CNTNAP2: variants seen among roughly 807,000 people sequenced by gnomAD.
CNTNAP2 encodes contactin-associated protein-like 2.
CNTNAP2 carries 98 observed loss-of-function variants against 155.2 expected under a neutral mutation model. The observed-to-expected ratio is 0.63, with a 90% CI of 0.54 to 0.75. The LOEUF (loss-of-function observed/expected upper bound fraction) is 0.75. CNTNAP2 is among the 30% of genes least tolerant of loss of function. The pLI is 0.00. For synonymous variants in CNTNAP2, 651 were observed against 631.2 expected (o/e 1.03, Z -0.47); for missense variants, 1,727 against 1,688.1 (o/e 1.02, Z -0.40).
At chr7:147,331,633 T>C (rs1285282720) in intron 9 of CNTNAP2, among the ~76,000 whole-genome samples, 1 of 151,692 alleles carries the variant, frequency 6.6e-6, no homozygotes, top group Non-Finnish European at 1.5e-5. Flanking sequence ...AAAAAGCAGG[T>C]AGAGGGATCG....
chr7:147,488,193 T>C (rs1798543304), intron 11 of CNTNAP2, among the ~76,000 whole-genome samples: 2 of 152,236 alleles, frequency 1.3e-5, no homozygotes, highest in African/African-American at 4.8e-5. Context: ...AGATACAATG[T>C]ATGCCATTCA....
At chr7:146,948,503 T>G (rs1797239046) in intron 3 of CNTNAP2, among the ~76,000 whole-genome samples, 1 of 152,250 alleles carries the variant, frequency 6.6e-6, no homozygotes, top group African/African-American at 2.4e-5. Flanking sequence ...AATGTTAGTC[T>G]GACAAAAAAA....
At chr7:147,489,739 C>G (rs769095434) in intron 11 of CNTNAP2, among the ~76,000 whole-genome samples, 11 of 152,124 alleles carry the variant, frequency 7.2e-5, no homozygotes, top group Admixed American at 2.6e-4. Flanking sequence ...CCTCAGCCTC[C>G]CAAGTAGCTG....
intron 18 of CNTNAP2, among the ~76,000 whole-genome samples, chr7:148,175,324 G>A (rs964439543): frequency 6.6e-6 from 1 of 152,014 alleles, no homozygotes; most frequent in African/African-American, 2.4e-5. Context: ...AAAAATAATA[G>A]TAGGAAGCCA....
intron 21 of CNTNAP2, among the ~76,000 whole-genome samples, chr7:148,276,391 G>A (rs972448915): frequency 7.2e-5 from 11 of 152,322 alleles, no homozygotes; most frequent in Admixed American, 6.5e-4. Context: ...AAGACAGTGC[G>A]AGACATGCCT....
chr7:146,669,606 A>G (rs1800261129), intron 1 of CNTNAP2, among the ~76,000 whole-genome samples: 1 of 152,062 alleles, frequency 6.6e-6, no homozygotes, highest in African/African-American at 2.4e-5. Flanking sequence ...CAACTTTGGT[A>G]ATTTTGGTTT....
intron 13 of CNTNAP2, among the ~76,000 whole-genome samples, chr7:147,727,278 C>T (rs943500730): frequency 1.3e-5 from 2 of 151,822 alleles, no homozygotes; most frequent in South Asian, 2.1e-4. Flanking sequence ...TGTTACTGGT[C>T]GGTTTAAATC....
chr7:146,355,979 A>T (rs1794991672), intron 1 of CNTNAP2, among the ~76,000 whole-genome samples: 1 of 152,058 alleles, frequency 6.6e-6, no homozygotes, highest in African/African-American at 2.4e-5. Context: ...AACCAAATAT[A>T]TCAAGCAAGA....
chr7:147,874,584 G>A (rs1465552595), intron 13 of CNTNAP2, among the ~76,000 whole-genome samples: 1 of 152,266 alleles, frequency 6.6e-6, no homozygotes, highest in Non-Finnish European at 1.5e-5. Flanking sequence ...TTCCCTCCTA[G>A]GCCTCTGGGC....
rs77325234 is a variant in CNTNAP2, at chr7:147,416,641, T to G, written c.1670+20861T>G. ...TTTATCTCCAGAATCTAGTAATATG[T>G]TGCTCATCAACATATGGTTCGGCTG... On this transcript the variant is annotated intron_variant, in intron 10 of 23. Coordinates refer to ENST00000361727, the MANE Select transcript of CNTNAP2 (RefSeq NM_014141.6). 1.9e-3 allele frequency among the ~76,000 whole-genome samples: 288 copies of G among 152,316 alleles called. 4 individuals carry two copies. The highest frequency in any genetic ancestry group is 6.7e-3 in the African/African-American group (277 of 41,578).
At chr7:146,232,642 C>T (rs532145267) in intron 1 of CNTNAP2, among the ~76,000 whole-genome samples, 1 of 152,252 alleles carries the variant, frequency 6.6e-6, no homozygotes, top group African/African-American at 2.4e-5. Context: ...TACATCAAAT[C>T]AAGGTATAGA....
intron 13 of CNTNAP2, among the ~76,000 whole-genome samples, chr7:147,826,664 A>G (rs961282901): frequency 6.6e-6 from 1 of 152,196 alleles, no homozygotes; most frequent in Admixed American, 6.5e-5. Context: ...TTCAAACTCA[A>G]TTCACTGACT....
intron 1 of CNTNAP2, among the ~76,000 whole-genome samples, chr7:146,315,831 C>G (rs1800896473): frequency 6.6e-6 from 1 of 152,082 alleles, no homozygotes; most frequent in African/African-American, 2.4e-5. Flanking sequence ...TGTAATAATT[C>G]TAGCAACAAA....
intron 1 of CNTNAP2, among the ~76,000 whole-genome samples, chr7:146,149,901 C>T (rs1007506575): frequency 7.3e-6 from 1 of 136,608 alleles, no homozygotes; most frequent in African/African-American, 2.7e-5. Flanking sequence ...AAAAAAAAGA[C>T]CAGTCAGGCT....
At chr7:147,687,299 G>T (rs1484874923) in intron 13 of CNTNAP2, among the ~76,000 whole-genome samples, 2 of 152,098 alleles carry the variant, frequency 1.3e-5, no homozygotes, top group Non-Finnish European at 2.9e-5. Flanking sequence ...TGGGTGCATT[G>T]CCTTGTATAC....
chr7:146,775,598 G>A lies in CNTNAP2; in HGVS notation c.208+1217G>A, dbSNP rs565619792. Among the ~76,000 whole-genome samples the A allele has an allele frequency of 1.1e-4, 17 of 149,716 alleles. No homozygotes were observed. In the East Asian group the frequency reaches 2.6e-3, roughly 23 times the overall value. On this transcript the variant is annotated intron_variant, in intron 2 of 23. Transcript: ENST00000361727. ...AGAAAGGGAGGGAGGGAGAGAGGAA[G>A]GAAGAAAGGAAGGAAGGAAGGAAGG...
chr7:146,774,557 G>C (rs1449208285), intron 2 of CNTNAP2, among the ~76,000 whole-genome samples, 176 bp downstream of exon 2: 1 of 152,006 alleles, frequency 6.6e-6, no homozygotes, highest in Admixed American at 6.6e-5. Context: ...TCTCCACATT[G>C]AAATAACATA....
chr7:147,417,987 G>A (rs1420825976), intron 10 of CNTNAP2, among the ~76,000 whole-genome samples: 2 of 152,140 alleles, frequency 1.3e-5, no homozygotes, highest in East Asian at 3.8e-4. Context: ...AGTGAAATAA[G>A]AGTTAATTCA....
chr7:146,360,480 G>T (rs1563054667), intron 1 of CNTNAP2, among the ~76,000 whole-genome samples: 1 of 152,146 alleles, frequency 6.6e-6, no homozygotes, highest in Non-Finnish European at 1.5e-5. Context: ...TAATAGTATA[G>T]AATATCACAT....
Sources: allele counts gnomAD v4.1 joint callset (sites outside exome capture counted in the v4.1 genomes callset), GRCh38; gene constraint gnomAD v4.1.1; transcripts MANE v1.5; gene names NCBI Gene and HGNC (gene_info 2026-07-23, HGNC 2026-07-21).